Variants in PRSS55 observed in about 807,000 individuals in gnomAD.
PRSS55 encodes serine protease 55.
A neutral mutation model predicts 23.6 loss-of-function variants in PRSS55; 41 were observed. The observed-to-expected ratio is 1.74, with a 90% CI of 1.35 to 2.26. The LOEUF (loss-of-function observed/expected upper bound fraction) is 2.26. Among genes scored for constraint, PRSS55 ranks in the 30% most tolerant of loss-of-function variants. The pLI, the probability that PRSS55 is intolerant of heterozygous loss-of-function variation, is 0.00. For synonymous variants in PRSS55, 262 were observed against 175.5 expected, an observed-to-expected ratio of 1.49 and a Z score of -3.90; for missense variants, 669 against 439.1, an observed-to-expected ratio of 1.52 and a Z score of -4.68.
In PRSS55 at chr8:10,529,764, C is replaced by G. The variant is rs866842405; in HGVS notation, c.347+65C>G. The G allele has an allele frequency of 5.3e-5, 79 of 1,497,370 alleles. No individual in the cohort carries two copies. In the Middle Eastern group the frequency reaches 8.4e-4, roughly 16 times the overall value. 92.8% of individuals were successfully genotyped at this position (1,497,370 alleles called of 1,614,324 possible). A position where few individuals can be genotyped will look rare whatever the true frequency, so the allele number is the denominator to read the frequency against. On this transcript the variant is annotated intron_variant, in intron 2 of 4. Coordinates refer to ENST00000328655, the MANE Select transcript of PRSS55 (RefSeq NM_198464.4). ...CCCACCCCTGGGGCACCCTCCCCCT[C>G]ACCCACACCTGGTGGCTGAGAGGAA...
chr8:10,529,336 C>A, intron 1 of PRSS55, 171 bp from the exon 2 acceptor site: 1 of 664,602 alleles, frequency 1.5e-6, no homozygotes, highest in Non-Finnish European at 2.7e-6. Flanking sequence ...AACCATCTGC[C>A]GGCTGATGTC....
intron 4 of PRSS55, among the ~76,000 whole-genome samples, chr8:10,534,793 A>C (rs1279705732): frequency 6.6e-6 from 1 of 152,212 alleles, no homozygotes; most frequent in African/African-American, 2.4e-5. Context: ...TTTGCAAATG[A>C]TATGGTTCTA....
intron 4 of PRSS55, among the ~76,000 whole-genome samples, chr8:10,550,882 AG>A (rs1447385745): frequency 2.0e-5 from 3 of 152,248 alleles, no homozygotes; most frequent in African/African-American, 7.2e-5. Flanking sequence ...GGAAAGCTGG[AG>A]GGAGGATTGC....
rs780444673 is a variant in PRSS55 at position 10,529,641 on chromosome 8, A to G, written c.289A>G (p.Ile97Val). The change falls in exon 2 of 5, where the codon ATC becomes GTC. Residue 97 changes from isoleucine (I) to valine (V), a missense_variant. Physicochemically the swap from Ile to Val is conservative, Grantham distance 29. Coordinates refer to ENST00000328655, the MANE Select transcript of PRSS55 (RefSeq NM_198464.4). ...AAGTGAACCTTTCTGTGGCGGCTCC[A>G]TCCTCAACAAGTGGTGGATTCTCAC... is the stretch of plus-strand genomic sequence containing the variant. Reference protein sequence around the residue: ...ARSEPFCGGSILNKWWILTAA... With the variant: ...ARSEPFCGGSVLNKWWILTAA... 9.3e-6 allele frequency: 15 copies of G among 1,614,050 alleles called. No individual in the cohort carries two copies. Among genetic ancestry groups the G allele is most frequent in the South Asian group, 1.1e-5 (1 of 91,078 alleles).
intron 2 of PRSS55, among the ~76,000 whole-genome samples, 175 bp from the exon 3 acceptor site, chr8:10,531,105 CTGTTTTGTTTTGTTT>C (rs36228433): frequency 6.6e-6 from 1 of 150,498 alleles, no homozygotes; most frequent in Admixed American, 6.6e-5. Context: ...ACCAGCTATT[CTGTTTTGTTTTGTTT>C]TGTTTTGTTT....
At chr8:10,543,453 T>TTCCA (rs1812722786), downstream of PRSS55, among the ~76,000 whole-genome samples, 1 of 19,282 alleles carries the variant, frequency 5.2e-5, no homozygotes, top group African/African-American at 9.2e-5. Context: ...CCATCCTTCC[T>TTCCA]TCCTTCCTTC....
At chr8:10,546,978 G>C (rs533408782) in intron 4 of PRSS55, among the ~76,000 whole-genome samples, 4 of 152,090 alleles carry the variant, frequency 2.6e-5, no homozygotes, top group Non-Finnish European at 5.9e-5. Flanking sequence ...CACGGTGTCC[G>C]ACCCAGCCCT....
chr8:10,543,478 C>CTTT (rs61064986), downstream of PRSS55, among the ~76,000 whole-genome samples: 167 of 101,560 alleles, frequency 1.6e-3, 13 homozygotes, highest in Middle Eastern at 0.014. Context: ...CTTTCTTTCT[C>CTTT]TCTTTTTTTT....
intron 4 of PRSS55, among the ~76,000 whole-genome samples, chr8:10,537,579 AT>A (rs35950094): frequency 0.6 from 91,691 of 151,978 alleles, 27,773 homozygotes; most frequent in East Asian, 0.74. Flanking sequence ...ATATTTCAAA[AT>A]TAACTGGAAG....
downstream of PRSS55, chr8:10,540,174 A>G (rs1034391858): frequency 2.0e-5 from 3 of 152,364 alleles, no homozygotes; most frequent in Non-Finnish European, 4.4e-5. Context: ...ACCCTGCAGC[A>G]TGCAACTGCA....
intron 3 of PRSS55, 114 bp downstream of exon 3, chr8:10,531,659 G>A: frequency 4.8e-6 from 7 of 1,451,768 alleles, no homozygotes; most frequent in Non-Finnish European, 6.5e-6. Flanking sequence ...TTCCCGCTCA[G>A]TGGAGTCTCA....
intron 4 of PRSS55, among the ~76,000 whole-genome samples, chr8:10,534,141 A>T (rs993324770): frequency 6.6e-6 from 1 of 152,294 alleles, no homozygotes; most frequent in African/African-American, 2.4e-5. Flanking sequence ...AAAACAAAAA[A>T]ACATGCACAC....
rs775156177 is a variant in PRSS55, at chr8:10,525,562, G to A, written c.-24G>A. On this transcript the variant is annotated 5_prime_UTR_variant, in exon 1 of 5. Transcript: ENST00000328655. Reference sequence around the variant, plus strand: ...CTCAGCCCTGGCCTCTGTCACCCCCGGGCCCACAGCACAGCCCAGGGCCAT... The same window carrying A: ...CTCAGCCCTGGCCTCTGTCACCCCCAGGCCCACAGCACAGCCCAGGGCCAT... 3.2e-5 allele frequency: 51 copies of A among 1,604,766 alleles called. No homozygotes were observed. The Admixed American group carries it at 3.2e-4, about 10-fold the overall frequency.
chr8:10,534,846 C>G (rs1356040489), intron 4 of PRSS55, among the ~76,000 whole-genome samples: 1 of 152,210 alleles, frequency 6.6e-6, no homozygotes, highest in East Asian at 1.9e-4. Context: ...TCTCCTAGAG[C>G]TGATAAGCAA....
Position 10,552,348 on chromosome 8 carries a change from G to A in PRSS55, c.742-1595G>A, listed in dbSNP as rs146476127. ...AAACATCTTCCTACTTTAATCTACC[G>A]AGCACCGGGTTGAAAAAGCAAAGCT... is the stretch of plus-strand genomic sequence containing the variant. On this transcript the variant is annotated intron_variant, in intron 4 of 4. Coordinates refer to the PRSS55 transcript ENST00000522210. 6.1e-3 allele frequency among the ~76,000 whole-genome samples: 930 copies of A among 152,260 alleles called. 11 individuals are homozygous for A. Among genetic ancestry groups the A allele is most frequent in the African/African-American group, 0.021 (884 of 41,532 alleles).
At chr8:10,549,664 G>C (rs763151605) in intron 4 of PRSS55, among the ~76,000 whole-genome samples, 1 of 152,198 alleles carries the variant, frequency 6.6e-6, no homozygotes, top group African/African-American at 2.4e-5. Context: ...TACCAGGCAG[G>C]GGCTTCCTGA....
chr8:10,532,304 C>T (rs980292430), intron 3 of PRSS55, among the ~76,000 whole-genome samples: 2 of 152,066 alleles, frequency 1.3e-5, no homozygotes, highest in Non-Finnish European at 2.9e-5. Flanking sequence ...TGGGCATGCA[C>T]AAGTTTAAAA....
At chr8:10,544,402 A>G (rs1387052239) in intron 4 of PRSS55, among the ~76,000 whole-genome samples, 1 of 152,074 alleles carries the variant, frequency 6.6e-6, no homozygotes, top group African/African-American at 2.4e-5. Flanking sequence ...ACCTACTTAT[A>G]TATGTGAATT....
At chr8:10,543,514 G>T (rs58564218), downstream of PRSS55, among the ~76,000 whole-genome samples, 1,743 of 129,066 alleles carry the variant, frequency 0.014, 58 homozygotes, top group African/African-American at 0.049. Flanking sequence ...TCACTCTGTC[G>T]CCCAGGCTCA....
Sources: allele counts gnomAD v4.1 joint callset (sites outside exome capture counted in the v4.1 genomes callset), GRCh38; gene constraint gnomAD v4.1.1; transcripts MANE v1.5; gene names NCBI Gene and HGNC (gene_info 2026-07-23, HGNC 2026-07-21).